MACROD2: variants seen among roughly 807,000 people sequenced by gnomAD.
MACROD2 encodes the protein ADP-ribose glycohydrolase MACROD2.
Under a neutral mutation model 70.4 loss-of-function variants are expected in MACROD2, and 36 were observed. The ratio of observed to expected loss-of-function variants is 0.51; its 90% CI spans 0.39 to 0.68. MACROD2 has a LOEUF of 0.68. Ranked by LOEUF, MACROD2 falls within the 30% of genes least tolerant of loss-of-function variation. MACROD2 has a pLI of 0.00. For synonymous variants in MACROD2, 172 were observed against 178.8 expected (o/e 0.96, Z 0.30); for missense variants, 496 against 538.4 (o/e 0.92, Z 0.78).
intron 5 of MACROD2, among the ~76,000 whole-genome samples, chr20:14,762,306 A>G (rs1319926546): frequency 2.6e-5 from 4 of 152,110 alleles, no homozygotes; most frequent in Non-Finnish European, 5.9e-5. Context: ...ATACAAGCTA[A>G]GAAGACTTAC....
At chr20:14,737,514 T>C (rs989928381) in intron 5 of MACROD2, among the ~76,000 whole-genome samples, 1 of 152,184 alleles carries the variant, frequency 6.6e-6, no homozygotes, top group Non-Finnish European at 1.5e-5. Flanking sequence ...TTCTAGATCC[T>C]TGAGGAATCG....
intron 3 of MACROD2, among the ~76,000 whole-genome samples, chr20:14,354,349 C>T (rs897213342): frequency 3.3e-5 from 5 of 152,050 alleles, no homozygotes; most frequent in African/African-American, 1.2e-4. Flanking sequence ...CATTTGTTTG[C>T]ATTAAAAATG....
intron 3 of MACROD2, among the ~76,000 whole-genome samples, chr20:14,190,986 C>T (rs1029415225): frequency 3.3e-5 from 5 of 151,886 alleles, no homozygotes; most frequent in African/African-American, 1.2e-4. Flanking sequence ...GGATTACAGG[C>T]GTGAGCCACC....
intron 8 of MACROD2, among the ~76,000 whole-genome samples, chr20:15,656,752 C>T (rs1231021377): frequency 6.6e-6 from 1 of 151,876 alleles, no homozygotes; most frequent in Non-Finnish European, 1.5e-5. Flanking sequence ...TGCAGATGCT[C>T]CCAAATAACT....
At chr20:14,428,057 TATC>T (rs1217912840) in intron 3 of MACROD2, among the ~76,000 whole-genome samples, 3 of 152,260 alleles carry the variant, frequency 2.0e-5, no homozygotes, top group African/African-American at 7.2e-5. Flanking sequence ...AAAATAATGA[TATC>T]ATATGAGGCA....
intron 5 of MACROD2, among the ~76,000 whole-genome samples, chr20:14,927,038 T>C (rs1456013893): frequency 6.6e-6 from 1 of 152,202 alleles, no homozygotes; most frequent in Admixed American, 6.5e-5. Flanking sequence ...ACTTCCAGTG[T>C]TCAATTTCTT....
chr20:14,421,970 C>T (rs2083880646), intron 3 of MACROD2, among the ~76,000 whole-genome samples: 3 of 152,006 alleles, frequency 2.0e-5, no homozygotes, highest in African/African-American at 7.2e-5. Flanking sequence ...TCTGTTGTAC[C>T]TGTTATTGAA....
chr20:15,061,873 T>C (rs2075535547), intron 5 of MACROD2, among the ~76,000 whole-genome samples: 2 of 152,264 alleles, frequency 1.3e-5, no homozygotes, highest in African/African-American at 4.8e-5. Context: ...GTCTCTCTCT[T>C]TCTAAGCCCA....
In MACROD2 at chr20:14,255,877, C is replaced by T. The variant is rs115663367; in HGVS notation, c.271+170149C>T. 2.6e-3 allele frequency among the ~76,000 whole-genome samples: 388 copies of T among 151,908 alleles called. 2 individuals carry two copies. Among genetic ancestry groups the T allele is most frequent in the African/African-American group, 8.9e-3 (369 of 41,460 alleles). Reference sequence around the variant, plus strand: ...AACATTTTTTGTCTTTGTTTTTCAGCAGTTTTACTTTTATGAAGGGCCTAG... The same window carrying T: ...AACATTTTTTGTCTTTGTTTTTCAGTAGTTTTACTTTTATGAAGGGCCTAG... On this transcript the variant is annotated intron_variant, in intron 3 of 17. Transcript: ENST00000684519.
intron 3 of MACROD2, among the ~76,000 whole-genome samples, chr20:14,181,380 T>A (rs2081303822): frequency 6.6e-6 from 1 of 152,066 alleles, no homozygotes. Flanking sequence ...CTGTCATTTC[T>A]TGACTATATT....
chr20:14,670,507 A>G (rs892023573), intron 4 of MACROD2, among the ~76,000 whole-genome samples: 1 of 152,112 alleles, frequency 6.6e-6, no homozygotes, highest in African/African-American at 2.4e-5. Flanking sequence ...TGTCTTTACA[A>G]TGTTTCGTCA....
intron 4 of MACROD2, among the ~76,000 whole-genome samples, chr20:14,643,911 T>G (rs1420431098): frequency 2.0e-5 from 3 of 152,166 alleles, no homozygotes; most frequent in Non-Finnish European, 4.4e-5. Context: ...GATAGAATTT[T>G]TTTTAAAAAA....
chr20:14,838,811 A>G (rs1175957847), intron 5 of MACROD2, among the ~76,000 whole-genome samples: 1 of 152,128 alleles, frequency 6.6e-6, no homozygotes, highest in Non-Finnish European at 1.5e-5. Context: ...CATATCATAT[A>G]AAGGGATGGC....
In MACROD2 at chr20:14,116,923, C is replaced by T. The variant is rs192864518; in HGVS notation, c.271+31195C>T. Among the ~76,000 whole-genome samples, 397 of 152,064 alleles carry T rather than the reference C, an allele frequency of 2.6e-3. 2 individuals are homozygous for T. Among genetic ancestry groups the T allele is most frequent in the Admixed American group, 7.5e-3 (115 of 15,264 alleles). ...CTCTACTAAAAATACAAAAATTAGC[C>T]AGTTGTGGTGGCATGCACCTGTAGT... On this transcript the variant is annotated intron_variant, in intron 3 of 17. Coordinates refer to ENST00000684519, the MANE Select transcript of MACROD2 (RefSeq NM_001351661.2).
chr20:14,391,337 G>A (rs1353815920), intron 3 of MACROD2, among the ~76,000 whole-genome samples: 1 of 152,144 alleles, frequency 6.6e-6, no homozygotes, highest in East Asian at 1.9e-4. Context: ...GGATGGAGCC[G>A]GAGGCCATTA....
intron 3 of MACROD2, among the ~76,000 whole-genome samples, chr20:14,131,870 G>A (rs914375276): frequency 6.6e-6 from 1 of 151,994 alleles, no homozygotes; most frequent in African/African-American, 2.4e-5. Context: ...GGTGGCTCAC[G>A]CTTGTAATCC....
chr20:15,169,419 T>A (rs971658959), intron 5 of MACROD2, among the ~76,000 whole-genome samples: 4 of 152,190 alleles, frequency 2.6e-5, no homozygotes, highest in African/African-American at 9.6e-5. Context: ...TAGTCTTTTT[T>A]GGCCTCTGGA....
At chr20:15,030,696 A>G (rs1044771968) in intron 5 of MACROD2, among the ~76,000 whole-genome samples, 1 of 150,680 alleles carries the variant, frequency 6.6e-6, no homozygotes, top group African/African-American at 2.5e-5. Flanking sequence ...TAGTCTAGGG[A>G]GTATGGCAGA....
rs1568606906 is a variant in MACROD2 at position 15,157,359 on chromosome 20, AC to A, written c.419-72579del. ...TAAATCTAATTAACCACCCCCCCCC[AC>A]CTCCCCCCCCCCCGGCCACCCAGGC... is the stretch of plus-strand genomic sequence containing the variant. On this transcript the variant is annotated intron_variant, in intron 5 of 17. Coordinates refer to ENST00000684519, the MANE Select transcript of MACROD2 (RefSeq NM_001351661.2). 9.5e-5 allele frequency among the ~76,000 whole-genome samples: 11 copies of A among 115,304 alleles called. 1 individual carries two copies. The highest frequency in any genetic ancestry group is 3.3e-4 in the South Asian group (1 of 3,022). 75.6% of individuals were successfully genotyped at this position (115,304 alleles called of 152,430 possible). A position where few individuals can be genotyped will look rare whatever the true frequency, so the allele number is the denominator to read the frequency against.
Sources: allele counts gnomAD v4.1 joint callset (sites outside exome capture counted in the v4.1 genomes callset), GRCh38; gene constraint gnomAD v4.1.1; transcripts MANE v1.5; gene names NCBI Gene and HGNC (gene_info 2026-07-23, HGNC 2026-07-21).